CLSTN2: variants seen among roughly 807,000 people sequenced by gnomAD.
CLSTN2 encodes calsyntenin-2.
CLSTN2 carries 48 observed loss-of-function variants against 101.2 expected under a neutral mutation model. The ratio of observed to expected loss-of-function variants is 0.47; its 90% CI spans 0.38 to 0.60. CLSTN2 has a LOEUF of 0.60. CLSTN2 is among the 20% of genes least tolerant of loss of function. CLSTN2 has a pLI of 0.00. For synonymous variants in CLSTN2, 481 were observed against 463.6 expected (o/e 1.04, Z -0.48); for missense variants, 1,160 against 1,238.2 (o/e 0.94, Z 0.95).
chr3:140,374,052 T>G (rs1157703421), intron 2 of CLSTN2, among the ~76,000 whole-genome samples: 1 of 152,208 alleles, frequency 6.6e-6, no homozygotes, highest in Non-Finnish European at 1.5e-5. Flanking sequence ...TGTCCCATGT[T>G]GTTTGTTCTT....
chr3:140,356,816 T>C (rs1392808131), intron 2 of CLSTN2, among the ~76,000 whole-genome samples: 2 of 149,538 alleles, frequency 1.3e-5, no homozygotes, highest in African/African-American at 4.9e-5. Context: ...CAGTTCTAAA[T>C]TTTGTATTAC....
At chr3:140,291,571 T>C (rs2086953631) in intron 2 of CLSTN2, among the ~76,000 whole-genome samples, 1 of 151,954 alleles carries the variant, frequency 6.6e-6, no homozygotes, top group Non-Finnish European at 1.5e-5. Context: ...GAGTCTTTTA[T>C]TCATTGTTTC....
intron 8 of CLSTN2, among the ~76,000 whole-genome samples, chr3:140,500,252 G>C (rs981480784): frequency 2.0e-5 from 3 of 152,014 alleles, no homozygotes; most frequent in African/African-American, 7.2e-5. Context: ...TCTTCTACTT[G>C]ACTGTCAGAG....
intron 5 of CLSTN2, among the ~76,000 whole-genome samples, chr3:140,438,450 A>AAAAAAAAAAAAAAAAAAAAAC (rs2088710428): frequency 6.7e-6 from 1 of 150,284 alleles, no homozygotes; most frequent in African/African-American, 2.5e-5. Context: ...AAAAAAAAAA[A>AAAAAAAAAAAAAAAAAAAAAC]AAAGCTTTGA....
intron 1 of CLSTN2, among the ~76,000 whole-genome samples, chr3:140,157,123 T>C (rs1366606748): frequency 1.3e-5 from 2 of 152,180 alleles, no homozygotes; most frequent in Non-Finnish European, 2.9e-5. Context: ...TATTCAATCT[T>C]TATTTTTTTA....
intron 1 of CLSTN2, among the ~76,000 whole-genome samples, chr3:140,126,200 A>T (rs1263081911): frequency 6.6e-6 from 1 of 152,096 alleles, no homozygotes; most frequent in Non-Finnish European, 1.5e-5. Flanking sequence ...ATTCTCATGG[A>T]TGTTTAAGTC....
chr3:140,188,458 T>C (rs986263192), intron 2 of CLSTN2, among the ~76,000 whole-genome samples: 3 of 152,150 alleles, frequency 2.0e-5, no homozygotes, highest in African/African-American at 7.2e-5. Context: ...GATGCTTACA[T>C]TGCACCTTGC....
At chr3:140,564,424 C>T (rs969831784) in intron 16 of CLSTN2, among the ~76,000 whole-genome samples, 2 of 152,202 alleles carry the variant, frequency 1.3e-5, no homozygotes, top group Admixed American at 6.5e-5. Context: ...GCAAACACCA[C>T]GAGGTGGCTA....
At chr3:140,366,490 C>T (rs2107953779) in intron 2 of CLSTN2, among the ~76,000 whole-genome samples, 1 of 152,332 alleles carries the variant, frequency 6.6e-6, no homozygotes, top group Middle Eastern at 3.4e-3. Context: ...GCAGGCCAAA[C>T]CCCCAGGCTG....
chr3:140,218,583 A>T lies in CLSTN2; in HGVS notation c.232+42510A>T, dbSNP rs149854262. On this transcript the variant is annotated intron_variant, in intron 2 of 16. Coordinates refer to ENST00000458420, the MANE Select transcript of CLSTN2 (RefSeq NM_022131.3). Reference sequence around the variant, plus strand: ...CAAGAGGAACCTAAGTAGATACATTAAAAAAAACCTTCCTGATTTTTACAT... The same window carrying T: ...CAAGAGGAACCTAAGTAGATACATTTAAAAAAACCTTCCTGATTTTTACAT... 5.3e-3 allele frequency among the ~76,000 whole-genome samples: 808 copies of T among 152,034 alleles called. 5 individuals carry two copies. Among genetic ancestry groups the T allele is most frequent in the African/African-American group, 0.018 (763 of 41,484 alleles).
At chr3:140,184,763 C>T (rs1237743039) in intron 2 of CLSTN2, among the ~76,000 whole-genome samples, 4 of 152,102 alleles carry the variant, frequency 2.6e-5, no homozygotes, top group Admixed American at 2.6e-4. Context: ...CATGCTCATC[C>T]CTATTCTAGA....
chr3:140,401,448 G>T (rs1431338899), intron 2 of CLSTN2, among the ~76,000 whole-genome samples: 2 of 152,164 alleles, frequency 1.3e-5, no homozygotes, highest in Non-Finnish European at 2.9e-5. Context: ...GAATTGTTCC[G>T]TAGATGGAAA....
intron 2 of CLSTN2, among the ~76,000 whole-genome samples, chr3:140,207,236 T>G (rs2010795329): frequency 6.6e-6 from 1 of 152,212 alleles, no homozygotes; most frequent in Admixed American, 6.5e-5. Context: ...TCTGAGAATG[T>G]TTGTATGCTA....
At chr3:140,118,067 T>C (rs2009275892) in intron 1 of CLSTN2, among the ~76,000 whole-genome samples, 1 of 151,994 alleles carries the variant, frequency 6.6e-6, no homozygotes, top group Admixed American at 6.6e-5. Flanking sequence ...GCTATCACAA[T>C]GGGCTCAAAT....
intron 2 of CLSTN2, among the ~76,000 whole-genome samples, chr3:140,354,003 G>A (rs1011735424): frequency 2.6e-5 from 4 of 152,120 alleles, no homozygotes; most frequent in African/African-American, 9.7e-5. Context: ...GTTTAGCTTG[G>A]GAAATCAGCT....
At chr3:140,184,071 T>G (rs556181009) in intron 2 of CLSTN2, among the ~76,000 whole-genome samples, 11 of 152,216 alleles carry the variant, frequency 7.2e-5, no homozygotes, top group Non-Finnish European at 1.0e-4. Context: ...GGCTTGTTTA[T>G]GTCTCCACCG....
At chr3:140,044,161 G>A (rs1576407689) in intron 1 of CLSTN2, among the ~76,000 whole-genome samples, 2 of 152,312 alleles carry the variant, frequency 1.3e-5, no homozygotes, top group East Asian at 1.9e-4. Context: ...CTATCCATGA[G>A]CATGGAATGT....
At chr3:139,967,989 G>C (rs532216536) in intron 1 of CLSTN2, among the ~76,000 whole-genome samples, 1 of 151,222 alleles carries the variant, frequency 6.6e-6, no homozygotes, top group Non-Finnish European at 1.5e-5. Context: ...ATGTGTGTCT[G>C]TGTGTGTGTG....
At chr3:140,079,380 G>A (rs12486848) in intron 1 of CLSTN2, among the ~76,000 whole-genome samples, 124 of 152,022 alleles carry the variant, frequency 8.2e-4, no homozygotes, top group Middle Eastern at 3.4e-3. Context: ...AGAGAAAATC[G>A]TTCTAAAAGA....
Sources: gnomAD v4.1 joint callset for allele counts (sites outside exome capture counted in the v4.1 genomes callset) on GRCh38, gnomAD v4.1.1 for gene constraint, MANE v1.5 for transcripts, NCBI Gene and HGNC (gene_info 2026-07-23, HGNC 2026-07-21) for gene names.